The following MCM3AP variants were observed in gnomAD, a reference collection of about 807,000 sequenced individuals.
The protein encoded by MCM3AP is minichromosome maintenance complex component 3 associated protein.
A neutral mutation model predicts 184.1 loss-of-function variants in MCM3AP; 126 were observed. The ratio of observed to expected loss-of-function variants is 0.68; its 90% confidence interval spans 0.59 to 0.79. MCM3AP has a LOEUF of 0.79. MCM3AP is among the 30% of genes least tolerant of loss of function. The pLI is 0.00. For missense variants in MCM3AP, 2,496 were observed against 2,479.2 expected, an observed-to-expected ratio of 1.01 and a Z score of -0.14; for synonymous variants, 1,002 against 979.3, an observed-to-expected ratio of 1.02 and a Z score of -0.43.
In MCM3AP at chr21:46,251,573, T is replaced by C; in HGVS notation, c.4246A>G (p.Ser1416Gly). 6.2e-7 allele frequency: 1 copy of C among 1,613,112 alleles called. No homozygotes were observed. Among genetic ancestry groups the C allele is most frequent in the Non-Finnish European group, 8.5e-7 (1 of 1,179,064 alleles). The change falls in exon 20 of 28, where the codon AGC becomes GGC. Residue 1416 changes from serine (S) to glycine (G), a missense_variant. By Grantham distance (56) the Ser-to-Gly change is moderately conservative. Transcript: ENST00000291688. Reference sequence around the variant, plus strand: ...GAAATCATCTGATCCCCTTTGCTGCTAAGTGAGTTGAAAAGCGAAAGCGTC... The same window carrying C: ...GAAATCATCTGATCCCCTTTGCTGCCAAGTGAGTTGAAAAGCGAAAGCGTC... ...IQTLSLFNSL[S>G]SKGDQMISVN...
At chr21:46,256,592 C>A in intron 17 of MCM3AP, 197 bp downstream of exon 17, 1 of 631,404 alleles carries the variant, frequency 1.6e-6, no homozygotes. Flanking sequence ...GCCAGTGGAA[C>A]AAGTCACATG....
At chr21:46,237,100 A>T (rs1337405108) in intron 26 of MCM3AP, 121 bp from the exon 27 acceptor site, 14 of 213,404 alleles carry the variant, frequency 6.6e-5, no homozygotes, top group South Asian at 2.0e-4. Context: ...ATTTTATATA[A>T]TTTTTTTTTT....
At chr21:46,264,258 C>A in intron 12 of MCM3AP, 41 bp from the exon 13 acceptor site, 2 of 1,317,234 alleles carry the variant, frequency 1.5e-6, no homozygotes, top group Non-Finnish European at 1.1e-6. Flanking sequence ...AACGTCCCAC[C>A]CAGGGCAGAA....
chr21:46,284,121 C>G lies in MCM3AP; in HGVS notation c.1166G>C (p.Arg389Pro). 6.2e-7 allele frequency: 1 copy of G among 1,614,042 alleles called. No individual in the cohort carries two copies. Among genetic ancestry groups the G allele is most frequent in the Non-Finnish European group, 8.5e-7 (1 of 1,179,978 alleles). The change falls in exon 1 of 28, where the codon CGG (arginine) becomes CCG (proline). Residue 389 changes from arginine to proline, a missense_variant. Arg to Pro is a moderately radical substitution (Grantham distance 103, BLOSUM62 -2). This residue lies in a region of MCM3AP where 800 missense variants were observed against 717.1 expected (regional missense o/e 1.12). Transcript: ENST00000291688. Reference protein sequence around the residue: ...GGNQSVLAPSRIPGVNKEEET... With the variant: ...GGNQSVLAPSPIPGVNKEEET... ...TTCCTCTTTATTCACACCTGGAATC[C>G]GGGAAGGTGCCAGGACAGACTGATT...
chr21:46,278,271 A>G, intron 4 of MCM3AP, among the ~76,000 whole-genome samples: 1 of 152,212 alleles, frequency 6.6e-6, no homozygotes, highest in South Asian at 2.1e-4. Flanking sequence ...TATCATAAGG[A>G]AATATTAAGC....
chr21:46,266,476 G>A (rs770394548), intron 10 of MCM3AP: 12 of 281,708 alleles, frequency 4.3e-5, no homozygotes, highest in Non-Finnish European at 7.3e-5. Context: ...AGACAGAACT[G>A]GAAGGAGGAG....
At chr21:46,251,866 C>T (rs1012448521) in intron 19 of MCM3AP, 184 bp from the exon 20 acceptor site, 17 of 399,966 alleles carry the variant, frequency 4.3e-5, no homozygotes, top group South Asian at 3.4e-4. Flanking sequence ...AATGGAGCAA[C>T]GATCTGTACT....
rs150680624 is a variant in MCM3AP, at chr21:46,256,939, C to A, written c.3782G>T (p.Arg1261Leu). ...GCAGCAGGGCGCAGCAGGGAAAGCC[C>A]GCATTTGGCGCCTCAGTTTCTTGCG... Reference protein sequence around the residue: ...TARKKLRRQMRAFPAAPCCVD... With the variant: ...TARKKLRRQMLAFPAAPCCVD... The change falls in exon 17 of 28, where the codon CGG becomes CTG. Residue 1261 changes from arginine to leucine, a missense_variant. By Grantham distance (102) the Arg-to-Leu change is moderately radical. Around this residue, in one of 5 missense-constraint regions of MCM3AP, gnomAD observed 1,323 missense variants for 1,273.4 expected, o/e 1.04. Coordinates refer to ENST00000291688, the MANE Select transcript of MCM3AP (RefSeq NM_003906.5). 6.4e-5 allele frequency: 103 copies of A among 1,612,178 alleles called. No homozygotes were observed. In the African/African-American group the frequency reaches 1.1e-3, roughly 17 times the overall value.
intron 26 of MCM3AP, among the ~76,000 whole-genome samples, chr21:46,239,770 A>G (rs1312057522): frequency 2.6e-5 from 4 of 152,156 alleles, no homozygotes; most frequent in African/African-American, 9.7e-5. Flanking sequence ...GTAGGTACAG[A>G]CGATGCAGAG....
At chr21:46,263,721 A>G (rs577861738) in intron 13 of MCM3AP, among the ~76,000 whole-genome samples, 1 of 127,802 alleles carries the variant, frequency 7.8e-6, no homozygotes, top group Non-Finnish European at 1.6e-5. Context: ...TGGAGGTTAC[A>G]GTGAGGCTGA....
At chr21:46,271,855 G>A (rs183867969) in intron 8 of MCM3AP, among the ~76,000 whole-genome samples, 21 of 151,598 alleles carry the variant, frequency 1.4e-4, no homozygotes, top group African/African-American at 3.9e-4. Context: ...AGCAGGACTC[G>A]GTCTCAAAAA....
intron 4 of MCM3AP, among the ~76,000 whole-genome samples, chr21:46,278,883 C>A (rs2145712159): frequency 6.7e-6 from 1 of 150,272 alleles, no homozygotes; most frequent in South Asian, 2.1e-4. Context: ...CCATATCAGC[C>A]AGGATGGTCT....
Position 46,280,528 on chromosome 21 carries a change from G to A in MCM3AP, c.1491C>T (p.Asp497=). 2 of 1,612,734 alleles carry A rather than the reference G, an allele frequency of 1.2e-6. No homozygotes were observed. Among genetic ancestry groups the A allele is most frequent in the African/African-American group, 1.3e-5 (1 of 75,052 alleles). The change falls in exon 3 of 28, where the codon GAC becomes GAT. Residue 497 remains aspartate, a synonymous_variant. Transcript: ENST00000291688. ...ARKKGKSLHK[D]MAIFWHRKKI... is the part of the protein sequence containing the mutation. ...TCTTCCTGTGCCAAAAGATAGCCAT[G>A]TCTTTATGCAAACTTTTCCCCTTCT...
At chr21:46,273,783 A>G (rs984412444) in intron 6 of MCM3AP, among the ~76,000 whole-genome samples, 198 bp from the exon 7 acceptor site, 1 of 152,246 alleles carries the variant, frequency 6.6e-6, no homozygotes, top group Admixed American at 6.5e-5. Flanking sequence ...GATTTTGGCA[A>G]ATATGACAAG....
intron 13 of MCM3AP, among the ~76,000 whole-genome samples, chr21:46,262,899 C>G (rs1274261853): frequency 8.0e-6 from 1 of 125,772 alleles, no homozygotes; most frequent in Non-Finnish European, 1.6e-5. Flanking sequence ...CCCCGGGGGG[C>G]GGAGCCTGCA....
Position 46,284,167 on chromosome 21 carries a change from G to C in MCM3AP, c.1120C>G (p.His374Asp). ...TGFVESAESD[H>D]MAIPGGNQSV... is the part of the protein sequence containing the mutation. ...TGATTCCCTCCTGGGATAGCCATGT[G>C]GTCACTTTCTGCAGACTCAACAAAG... is the stretch of plus-strand genomic sequence containing the variant. Residue 374 changes from histidine (H) to aspartate (D), a missense_variant, in exon 1 of 28, where the codon CAC becomes GAC. His to Asp is a moderately conservative substitution (Grantham distance 81). Coordinates refer to ENST00000291688, the MANE Select transcript of MCM3AP (RefSeq NM_003906.5). The C allele has an allele frequency of 1.2e-6, 2 of 1,614,174 alleles. No homozygotes were observed. Among genetic ancestry groups the C allele is most frequent in the Middle Eastern group, 1.6e-4 (1 of 6,062 alleles).
chr21:46,281,458 G>T (rs1312528344), intron 2 of MCM3AP, among the ~76,000 whole-genome samples: 2 of 152,180 alleles, frequency 1.3e-5, no homozygotes, highest in Non-Finnish European at 2.9e-5. Flanking sequence ...TTACATATTA[G>T]TTATGTCATA....
In MCM3AP at chr21:46,285,308, G is replaced by A. The variant is rs1236363624; in HGVS notation, c.-22C>T. The A allele has an allele frequency of 6.5e-7, 1 of 1,543,870 alleles. No individual in the cohort carries two copies. The highest frequency in any genetic ancestry group is 8.9e-7 in the Non-Finnish European group (1 of 1,119,056). ...TCATCTTCTGCTCCAATTATTAGAA[G>A]GTAATTAAGTATTATGTGTACAAAA... On this transcript the variant is annotated 5_prime_UTR_variant, in exon 1 of 28. Coordinates refer to ENST00000291688, the MANE Select transcript of MCM3AP (RefSeq NM_003906.5).
rs139440832 is a variant in MCM3AP at position 46,272,614 on chromosome 21, C to T, written c.2412G>A (p.Ala804=). The T allele has an allele frequency of 2.9e-4, 464 of 1,614,184 alleles. 2 individuals are homozygous for T. The highest frequency in any genetic ancestry group is 1.6e-4 in the Middle Eastern group (1 of 6,062). ...RNKGVFCASE[A]EFQGYNVLLS... is the part of the protein sequence containing the mutation. Reference sequence around the variant, plus strand: ...GCAGAACATTGTAGCCCTGGAACTCCGCTTCGCTGGCACAGAAGACACCCT... The same window carrying T: ...GCAGAACATTGTAGCCCTGGAACTCTGCTTCGCTGGCACAGAAGACACCCT... The change falls in exon 8 of 28, where the codon GCG becomes GCA. Residue 804 remains alanine (A), a synonymous_variant. Coordinates refer to ENST00000291688, the MANE Select transcript of MCM3AP (RefSeq NM_003906.5).
Sources: allele counts gnomAD v4.1 joint callset (sites outside exome capture counted in the v4.1 genomes callset), GRCh38; gene constraint gnomAD v4.1.1; regional missense constraint gnomAD v4.1.1; transcripts MANE v1.5; gene names NCBI Gene and HGNC (gene_info 2026-07-23, HGNC 2026-07-21).